The following PXDNL variants were observed in gnomAD, a reference collection of about 807,000 sequenced individuals.
The protein encoded by PXDNL is probable oxidoreductase PXDNL.
In PXDNL, 145 loss-of-function variants were observed where a neutral mutation model predicts 150.8. That is an observed-to-expected ratio of 0.96 (90% CI 0.84 to 1.10). The LOEUF is 1.10. Ranked by LOEUF, PXDNL falls within the 50% of genes least tolerant of loss-of-function variation. PXDNL has a pLI of 0.00. For missense variants in PXDNL, 2,087 were observed against 1,873.9 expected (o/e 1.11, Z -2.10); for synonymous variants, 757 against 725.7 (o/e 1.04, Z -0.69).
chr8:51,355,211 A>G (rs1806469614), intron 19 of PXDNL, among the ~76,000 whole-genome samples: 1 of 152,226 alleles, frequency 6.6e-6, no homozygotes, highest in Admixed American at 6.5e-5. Flanking sequence ...AAAATACTAC[A>G]GTGTCATGAA....
chr8:51,415,850 GAATT>G (rs1428535111), intron 14 of PXDNL, among the ~76,000 whole-genome samples: 4 of 152,212 alleles, frequency 2.6e-5, no homozygotes, highest in Admixed American at 2.0e-4. Flanking sequence ...AAAAGGTAAT[GAATT>G]AATTAGTTAA....
At chr8:51,613,491 G>A (rs56005314) in intron 2 of PXDNL, among the ~76,000 whole-genome samples, 2,120 of 38,552 alleles carry the variant, frequency 0.055, 57 homozygotes, top group African/African-American at 0.077. Context: ...GGGCGGGGGG[G>A]GGGCAGGGCG....
chr8:51,426,748 C>T lies in PXDNL; in HGVS notation c.1536G>A (p.Val512=). 6.3e-7 allele frequency: 1 copy of T among 1,588,588 alleles called. No individual in the cohort carries two copies. The highest frequency in any genetic ancestry group is 8.6e-7 in the Non-Finnish European group (1 of 1,162,770). ...TTGTATCCTGAGGAAGTTGAGTAAA[C>T]ACTGCAAGAGCTGTGGAAACAAACC... ...QLTVKPKALA[V]FTQLPQDTSV... The change falls in exon 13 of 23, where the codon GTG becomes GTA. Residue 512 remains valine (V), a synonymous_variant. Transcript: ENST00000356297.
Position 51,409,268 on chromosome 8 carries a change from C to A in PXDNL, c.2356G>T (p.Val786Leu). The change falls in exon 17 of 23, where the codon GTG becomes TTG. Residue 786 changes from valine to leucine, a missense_variant. By Grantham distance (32) the Val-to-Leu change is conservative (BLOSUM62 1). Transcript: ENST00000356297. ...GTGACGGCCGCCGCGCGCGCCCACA[C>A]TGTGGCGACCAGCCGGGGCGGCGGG... ...PLPPPRLVAT[V>L]WARAAAVTPD... The A allele has an allele frequency of 6.9e-7, 1 of 1,447,104 alleles. No individual in the cohort carries two copies. The highest frequency in any genetic ancestry group is 1.5e-5 in the African/African-American group (1 of 67,852). 89.6% of individuals were successfully genotyped at this position (1,447,104 alleles called of 1,614,324 possible).
At chr8:51,534,781 T>C (rs1379018284) in intron 4 of PXDNL, among the ~76,000 whole-genome samples, 198 of 112,530 alleles carry the variant, frequency 1.8e-3, no homozygotes, top group East Asian at 2.4e-3. Context: ...AGCCGCCCCG[T>C]CCGGGAGGGA....
In PXDNL at chr8:51,409,552, T is replaced by C. The variant is rs764299807; in HGVS notation, c.2072A>G (p.Tyr691Cys). 13 of 1,572,942 alleles carry C rather than the reference T, an allele frequency of 8.3e-6. No homozygotes were observed. The highest frequency in any genetic ancestry group is 1.1e-5 in the Non-Finnish European group (13 of 1,158,062). The change falls in exon 17 of 23, where the codon TAC becomes TGC. Residue 691 changes from tyrosine to cysteine, a missense_variant. Physicochemically the swap from Tyr to Cys is radical, Grantham distance 194. Coordinates refer to ENST00000356297, the MANE Select transcript of PXDNL (RefSeq NM_144651.5). Reference sequence around the variant, plus strand: ...GGAGCGCGGGGACACCAAGTCATTGTACCGGAATTCTGAAAGGCAAGCGGC... The same window carrying C: ...GGAGCGCGGGGACACCAAGTCATTGCACCGGAATTCTGAAAGGCAAGCGGC... Reference protein sequence around the residue: ...TVDLEGKEFRYNDLVSPRSLS... With the variant: ...TVDLEGKEFRCNDLVSPRSLS...
intron 4 of PXDNL, among the ~76,000 whole-genome samples, chr8:51,503,486 T>C (rs1315717353): frequency 6.6e-6 from 1 of 152,216 alleles, no homozygotes; most frequent in Non-Finnish European, 1.5e-5. Flanking sequence ...CTTTAGCAGA[T>C]TCAAATAAGG....
chr8:51,719,084 G>A (rs895727468), intron 1 of PXDNL, among the ~76,000 whole-genome samples: 8 of 151,862 alleles, frequency 5.3e-5, no homozygotes, highest in Non-Finnish European at 8.8e-5. Context: ...GGTGAGGGGC[G>A]CCTCTGCCCG....
intron 4 of PXDNL, among the ~76,000 whole-genome samples, chr8:51,519,514 C>G (rs1292418139): frequency 6.6e-6 from 1 of 151,638 alleles, no homozygotes; most frequent in Non-Finnish European, 1.5e-5. Context: ...GCCTGGGCAA[C>G]AGAGTGAGAC....
chr8:51,610,175 C>T (rs181613406), intron 2 of PXDNL, among the ~76,000 whole-genome samples: 129 of 152,252 alleles, frequency 8.5e-4, no homozygotes, highest in Non-Finnish European at 3.4e-4. Flanking sequence ...ACAAATTACA[C>T]CTGTTGGTCC....
intron 2 of PXDNL, among the ~76,000 whole-genome samples, chr8:51,596,720 GT>G (rs1813575329): frequency 1.3e-5 from 2 of 152,108 alleles, no homozygotes; most frequent in South Asian, 4.2e-4. Context: ...AGATGTCTCT[GT>G]TCATGTCCTT....
Position 51,792,211 on chromosome 8 carries a change from T to TGTG in PXDNL, c.164+16969_164+16970insCAC, listed in dbSNP as rs1254095838. ...AAGAATGAAAATGGCGAGTGAATCC[T>TGTG]GCACCACAACTGAGGTATCGAGGTT... On this transcript the variant is annotated intron_variant, in intron 1 of 22. Coordinates refer to ENST00000356297, the MANE Select transcript of PXDNL (RefSeq NM_144651.5). 4.0e-5 allele frequency among the ~76,000 whole-genome samples: 6 copies of TGTG among 151,730 alleles called. No individual in the cohort carries two copies. In the East Asian group the frequency reaches 1.2e-3, roughly 30 times the overall value.
At chr8:51,701,362 C>A (rs1348043532) in intron 1 of PXDNL, among the ~76,000 whole-genome samples, 1 of 152,106 alleles carries the variant, frequency 6.6e-6, no homozygotes, top group East Asian at 1.9e-4. Context: ...TTCAATAGGT[C>A]TTCAGATATT....
chr8:51,548,799 G>A (rs929403631), intron 4 of PXDNL, among the ~76,000 whole-genome samples: 1 of 152,054 alleles, frequency 6.6e-6, no homozygotes, highest in African/African-American at 2.4e-5. Context: ...GCAATAACTA[G>A]CACAATAAAT....
intron 1 of PXDNL, among the ~76,000 whole-genome samples, chr8:51,713,513 C>G (rs774319084): frequency 6.6e-6 from 1 of 152,198 alleles, no homozygotes; most frequent in African/African-American, 2.4e-5. Context: ...GGCTGGCCAA[C>G]GTTGTCCTCA....
At chr8:51,549,310 A>C (rs35346943) in intron 4 of PXDNL, among the ~76,000 whole-genome samples, 10,524 of 152,244 alleles carry the variant, frequency 0.069, 458 homozygotes, top group South Asian at 0.1. Flanking sequence ...GACTTAAACT[A>C]TACCCTAGGA....
At chr8:51,557,731 C>A (rs4364622) in intron 3 of PXDNL, among the ~76,000 whole-genome samples, 1 of 151,742 alleles carries the variant, frequency 6.6e-6, no homozygotes, top group African/African-American at 2.4e-5. Context: ...CCTACTCAAT[C>A]GGACTCTCTC....
At chr8:51,719,870 G>C (rs573587393) in intron 1 of PXDNL, among the ~76,000 whole-genome samples, 3 of 151,976 alleles carry the variant, frequency 2.0e-5, no homozygotes, top group African/African-American at 7.3e-5. Context: ...TAAGCGGTGC[G>C]CTTAGAAGAG....
intron 19 of PXDNL, among the ~76,000 whole-genome samples, chr8:51,352,059 A>T (rs1388239894): frequency 6.6e-6 from 1 of 151,624 alleles, no homozygotes; most frequent in Non-Finnish European, 1.5e-5. Flanking sequence ...TGAGGGCGTG[A>T]CTCCTCAGGG....
Sources: allele counts gnomAD v4.1 joint callset (sites outside exome capture counted in the v4.1 genomes callset), GRCh38; gene constraint gnomAD v4.1.1; transcripts MANE v1.5; gene names NCBI Gene and HGNC (gene_info 2026-07-23, HGNC 2026-07-21).